ANKRD44: variants seen among roughly 807,000 people sequenced by gnomAD.
ANKRD44 encodes serine/threonine-protein phosphatase 6 regulatory ankyrin repeat subunit B.
In ANKRD44, 35 loss-of-function variants were observed where a neutral mutation model predicts 116.0. The observed-to-expected ratio is 0.30, with a 90% CI of 0.23 to 0.40. The LOEUF is 0.40. Among genes scored for constraint, ANKRD44 ranks in the 10% least tolerant of loss-of-function variants. The pLI, the probability that ANKRD44 is intolerant of heterozygous loss-of-function variation, is 1.00. For missense variants in ANKRD44, 1,014 were observed against 1,242.6 expected, an observed-to-expected ratio of 0.82 and a Z score of 2.77; for synonymous variants, 435 against 461.8, an observed-to-expected ratio of 0.94 and a Z score of 0.74.
At chr2:197,244,903 G>A (rs929379499) in intron 1 of ANKRD44, among the ~76,000 whole-genome samples, 3 of 152,150 alleles carry the variant, frequency 2.0e-5, no homozygotes, top group African/African-American at 7.2e-5. Context: ...TCCATATGAT[G>A]GGTTCTGCAT....
At chr2:197,088,860 A>C in intron 11 of ANKRD44, 86 bp from the exon 12 acceptor site, 1 of 1,429,736 alleles carries the variant, frequency 7.0e-7, no homozygotes. Context: ...TTGCAGAGAC[A>C]GAAAAATCAG....
intron 27 of ANKRD44, 82 bp from the exon 28 acceptor site, chr2:196,989,731 C>T (rs753873671): frequency 1.3e-6 from 2 of 1,534,284 alleles, no homozygotes; most frequent in Non-Finnish European, 1.8e-6. Context: ...CATGCTAAAT[C>T]ACCCATTTCT....
chr2:196,995,393 A>T lies in ANKRD44; in HGVS notation c.2817T>A (p.Asn939Lys). 2 of 1,612,058 alleles carry T rather than the reference A, an allele frequency of 1.2e-6. No homozygotes were observed. Among genetic ancestry groups the T allele is most frequent in the Non-Finnish European group, 1.7e-6 (2 of 1,178,914 alleles). Residue 939 changes from asparagine (N) to lysine (K), a missense_variant, in exon 26 of 28, where the codon AAT (asparagine) becomes AAA (lysine). Coordinates refer to ENST00000282272, the MANE Select transcript of ANKRD44 (RefSeq NM_001195144.2). ...IQDESLINEK[N>K]NALQTPLHVA... is the part of the protein sequence containing the mutation. ...GTTACACTTACGTCTGCAGTGCATT[A>T]TTTTTTTCATTAATAAGGCTCTCGT...
At chr2:197,141,199 A>G (rs985329671) in intron 3 of ANKRD44, among the ~76,000 whole-genome samples, 8 of 152,220 alleles carry the variant, frequency 5.3e-5, no homozygotes, top group African/African-American at 1.9e-4. Flanking sequence ...CCTGGGCGAC[A>G]GAGCAAGACT....
intron 10 of ANKRD44, 29 bp from the exon 11 acceptor site, chr2:197,090,061 C>T (rs746831125): frequency 5.2e-6 from 8 of 1,540,918 alleles, no homozygotes; most frequent in East Asian, 2.3e-5. Context: ...GAGCAACTCA[C>T]GGCAACAGAT....
chr2:197,048,058 C>A (rs551439051), intron 16 of ANKRD44, among the ~76,000 whole-genome samples: 1 of 152,062 alleles, frequency 6.6e-6, no homozygotes, highest in South Asian at 2.1e-4. Context: ...TTTTGAGACT[C>A]CTTTAATAAC....
intron 2 of ANKRD44, among the ~76,000 whole-genome samples, chr2:197,183,684 C>G (rs866855240): frequency 7.7e-6 from 1 of 129,780 alleles, no homozygotes; most frequent in African/African-American, 2.8e-5. Context: ...AAGGGAGAGT[C>G]TAAAGAGGGG....
At chr2:197,040,245 C>CA (rs1435933636) in intron 16 of ANKRD44, among the ~76,000 whole-genome samples, 1 of 150,738 alleles carries the variant, frequency 6.6e-6, no homozygotes, top group Non-Finnish European at 1.5e-5. Context: ...ACCATCTCAA[C>CA]AAAAAAACAA....
At chr2:197,026,055 A>AAAAAC (rs1553489136) in intron 16 of ANKRD44, among the ~76,000 whole-genome samples, 5 of 151,280 alleles carry the variant, frequency 3.3e-5, no homozygotes, top group East Asian at 1.9e-4. Context: ...AACAAAAAAA[A>AAAAAC]AAAAAACACC....
chr2:197,224,654 G>A (rs1163097622), intron 1 of ANKRD44, among the ~76,000 whole-genome samples: 1 of 151,806 alleles, frequency 6.6e-6, no homozygotes, highest in Non-Finnish European at 1.5e-5. Context: ...TTGGTTTGTT[G>A]CGCTTTTCTA....
intron 4 of ANKRD44, among the ~76,000 whole-genome samples, chr2:197,130,942 G>C (rs1254239174): frequency 1.3e-5 from 2 of 152,210 alleles, no homozygotes; most frequent in Non-Finnish European, 2.9e-5. Flanking sequence ...GCTAGAACAG[G>C]CTCCATAAGG....
rs1265068804 is a variant in ANKRD44 at position 197,310,713 on chromosome 2, C to G, written c.-109G>C. On this transcript the variant is annotated 5_prime_UTR_variant, in exon 1 of 28. Coordinates refer to ENST00000282272, the MANE Select transcript of ANKRD44 (RefSeq NM_001195144.2). ...CCAGGAGAAGGGAAAAAATCTGGCT[C>G]CCGAATTTGACAGCCCTCCCCCTGC... 8.5e-7 allele frequency: 1 copy of G among 1,182,186 alleles called. No homozygotes were observed. 73.2% of individuals were successfully genotyped at this position (1,182,186 alleles called of 1,614,324 possible).
chr2:197,010,413 TGCCC>T (rs2076277832), intron 18 of ANKRD44, among the ~76,000 whole-genome samples: 1 of 151,970 alleles, frequency 6.6e-6, no homozygotes, highest in East Asian at 1.9e-4. Context: ...GGCCTCCCCC[TGCCC>T]CTCCTCGCCC....
chr2:197,171,933 TG>T (rs2080243879), intron 2 of ANKRD44, among the ~76,000 whole-genome samples: 2 of 152,004 alleles, frequency 1.3e-5, no homozygotes, highest in African/African-American at 4.8e-5. Context: ...TAGTATAAGA[TG>T]GAGAAAACAA....
intron 14 of ANKRD44, among the ~76,000 whole-genome samples, chr2:197,082,080 C>T (rs2125139597): frequency 6.6e-6 from 1 of 152,316 alleles, no homozygotes; most frequent in East Asian, 1.9e-4. Flanking sequence ...GCCTCCTTGC[C>T]AGCTCAGCAT....
At chr2:197,022,184 C>A (rs2125939017) in intron 17 of ANKRD44, among the ~76,000 whole-genome samples, 1 of 152,150 alleles carries the variant, frequency 6.6e-6, no homozygotes, top group Non-Finnish European at 1.5e-5. Flanking sequence ...CTACTGAGGC[C>A]CCTAGAGAGG....
chr2:197,187,644 TTCTCTC>T (rs55952976), intron 1 of ANKRD44, among the ~76,000 whole-genome samples: 6,849 of 134,698 alleles, frequency 0.051, 437 homozygotes, highest in African/African-American at 0.15. Flanking sequence ...CACGTTCTCA[TTCTCTC>T]TCTCTCTCTC....
rs199696147 is a variant in ANKRD44, at chr2:196,991,679, C to G, written c.2923+1904G>C. Among the ~76,000 whole-genome samples, 20 of 152,116 alleles carry G rather than the reference C, an allele frequency of 1.3e-4. No individual in the cohort carries two copies. In the East Asian group the frequency reaches 3.7e-3, roughly 28 times the overall value. ...TTACTACAGCCTTGTCTTCCGGGCT[C>G]AAGCAATCCTCCCACCTCAGCCTCC... On this transcript the variant is annotated intron_variant, in intron 27 of 27. Transcript: ENST00000282272.
At chr2:197,259,961 T>C (rs2082553481) in intron 1 of ANKRD44, among the ~76,000 whole-genome samples, 1 of 152,116 alleles carries the variant, frequency 6.6e-6, no homozygotes, top group Non-Finnish European at 1.5e-5. Flanking sequence ...TGTGGTCCAA[T>C]AAAGAACACA....
Sources: allele counts gnomAD v4.1 joint callset (sites outside exome capture counted in the v4.1 genomes callset), GRCh38; gene constraint gnomAD v4.1.1; transcripts MANE v1.5; gene names NCBI Gene and HGNC (gene_info 2026-07-23, HGNC 2026-07-21).